SYNE2: variants seen among roughly 807,000 people sequenced by gnomAD.
SYNE2 encodes the protein nesprin-2.
Under a neutral mutation model 856.3 loss-of-function variants are expected in SYNE2, and 431 were observed. The observed-to-expected ratio is 0.50, with a 90% CI of 0.47 to 0.55. SYNE2 has a LOEUF of 0.55. Among genes scored for constraint, SYNE2 ranks in the 20% least tolerant of loss-of-function variants. The pLI, the probability that SYNE2 is intolerant of heterozygous loss-of-function variation, is 0.00. For missense variants in SYNE2, 8,129 were observed against 8,023.2 expected (o/e 1.01, Z -0.50); for synonymous variants, 2,923 against 2,872.3 (o/e 1.02, Z -0.56).
At chr14:64,028,965 G>T (rs1467672972) in intron 43 of SYNE2, among the ~76,000 whole-genome samples, 2 of 152,008 alleles carry the variant, frequency 1.3e-5, no homozygotes, top group Non-Finnish European at 2.9e-5. Context: ...GTGAAACCAT[G>T]TCTCTACTAA....
At position 64,102,003 on chromosome 14, in the gene SYNE2, A is replaced by G. The variant is rs1406355871; in HGVS notation, c.12453A>G (p.Glu4151=). The part of the protein sequence containing the change: ...SSLWKHDKDM[E]EDRASSSSGT... ...TTTGGAAGCATGACAAGGACATGGA[A>G]GAAGACAGAGCTTCCTCATCCTCTG... is the stretch of plus-strand genomic sequence containing the variant. Residue 4151 remains glutamate (E), a synonymous_variant, in exon 64 of 116, where the codon GAA becomes GAG. Transcript: ENST00000555002. 2 of 1,614,082 alleles carry G rather than the reference A, an allele frequency of 1.2e-6. No individual in the cohort carries two copies. Among genetic ancestry groups the G allele is most frequent in the Non-Finnish European group, 1.7e-6 (2 of 1,179,926 alleles).
chr14:63,981,422 C>T (rs951979044), intron 16 of SYNE2, among the ~76,000 whole-genome samples: 128 of 152,216 alleles, frequency 8.4e-4, no homozygotes, highest in African/African-American at 3.0e-3. Flanking sequence ...ATAGAGCTTT[C>T]TTAAGGTATA....
At chr14:64,084,909 T>C in intron 57 of SYNE2, 2 of 701,126 alleles carry the variant, frequency 2.9e-6, no homozygotes, top group Non-Finnish European at 5.2e-6. Flanking sequence ...TGGGATCTGC[T>C]TCCAAGCTCA....
chr14:64,192,708 C>G (rs2098523836), intron 99 of SYNE2, among the ~76,000 whole-genome samples: 1 of 152,122 alleles, frequency 6.6e-6, no homozygotes, highest in South Asian at 2.1e-4. Flanking sequence ...AAACTGAGGA[C>G]TGAAGCTAAG....
At chr14:64,086,302 A>G (rs2097560778) in intron 57 of SYNE2, among the ~76,000 whole-genome samples, 2 of 152,250 alleles carry the variant, frequency 1.3e-5, no homozygotes, top group African/African-American at 2.4e-5. Flanking sequence ...TTGGAAATCA[A>G]TTGACCTTAT....
At chr14:63,810,051 G>C (rs1487699931) in intron 1 of SYNE2, among the ~76,000 whole-genome samples, 1 of 152,042 alleles carries the variant, frequency 6.6e-6, no homozygotes, top group Non-Finnish European at 1.5e-5. Flanking sequence ...GCCAGACACT[G>C]TCTCTACAAA....
chr14:63,855,193 G>A (rs1891406908), intron 1 of SYNE2, among the ~76,000 whole-genome samples: 1 of 152,064 alleles, frequency 6.6e-6, no homozygotes, highest in African/African-American at 2.4e-5. Flanking sequence ...GGGTGTTGGG[G>A]CGATAGTGGT....
chr14:63,789,009 C>T (rs1887639695), intron 1 of SYNE2, among the ~76,000 whole-genome samples: 3 of 152,174 alleles, frequency 2.0e-5, no homozygotes, highest in Admixed American at 1.3e-4. Flanking sequence ...TGTATATATA[C>T]ACAATGGAAT....
Position 63,978,017 on chromosome 14 carries a change from G to A in SYNE2, c.1406G>A (p.Arg469Gln). 3 of 1,582,356 alleles carry A rather than the reference G, an allele frequency of 1.9e-6. No homozygotes were observed. Among genetic ancestry groups the A allele is most frequent in the Non-Finnish European group, 2.6e-6 (3 of 1,151,228 alleles). The change falls in exon 13 of 116, where the codon CGA (arginine) becomes CAA (glutamine). Residue 469 changes from arginine to glutamine, a missense_variant and splice_region_variant. Arg to Gln is a conservative substitution (Grantham distance 43, BLOSUM62 1). Around this residue, in one of 3 missense-constraint regions of SYNE2, gnomAD observed 2,422 missense variants for 2,357.4 expected, o/e 1.03. Transcript: ENST00000555002. The stretch of plus-strand genomic sequence containing the variant: ...AACAAATTGGAGGAAATGAAAAGAC[G>A]GTGTGTAACACTACCATTTCACAGC... The part of the protein sequence containing the change: ...PPNKLEEMKR[R>Q]INNILEKKFI...
At chr14:63,994,081 C>A in intron 22 of SYNE2, 112 bp downstream of exon 22, 2 of 1,098,434 alleles carry the variant, frequency 1.8e-6, no homozygotes, top group Non-Finnish European at 1.4e-6. Context: ...CACCAGTGGG[C>A]TGGTCCCTGC....
chr14:63,819,847 C>A (rs1889148237), intron 1 of SYNE2, among the ~76,000 whole-genome samples: 2 of 152,094 alleles, frequency 1.3e-5, no homozygotes, highest in South Asian at 4.1e-4. Context: ...AATTTTATTT[C>A]TTTATGCTAG....
At position 63,967,689 on chromosome 14, in the gene SYNE2, A is replaced by T; in HGVS notation, c.991-20A>T. 6.2e-7 allele frequency: 1 copy of T among 1,612,442 alleles called. No individual in the cohort carries two copies. Among genetic ancestry groups the T allele is most frequent in the Non-Finnish European group, 8.5e-7 (1 of 1,178,814 alleles). On this transcript the variant is annotated intron_variant, in intron 10 of 115. Transcript: ENST00000555002. ...TGGAATTAAACATTTTCAATCTTTAAAATACTCTTCTAATTGCAGAGCCTG... is the reference window on the plus strand; with the variant it reads ...TGGAATTAAACATTTTCAATCTTTATAATACTCTTCTAATTGCAGAGCCTG...
In SYNE2 at chr14:64,170,418, C is replaced by T. The variant is rs376008959; in HGVS notation, c.17191C>T (p.Arg5731Cys). The change falls in exon 94 of 116, where the codon CGC becomes TGC. Residue 5731 changes from arginine to cysteine, a missense_variant. This residue lies in a region of SYNE2 where 5,410 missense variants were observed against 5,284.8 expected (regional missense o/e 1.02). Transcript: ENST00000555002. ...GCTATCTGCAGTGAAGGGCCAGGAG[C>T]GCTTCAGCCTCTACCAAACCAGAAG... ...HLLSAVKGQE[R>C]FSLYQTRSLI... 7.6e-5 allele frequency: 123 copies of T among 1,613,886 alleles called. No individual in the cohort carries two copies. The highest frequency in any genetic ancestry group is 9.7e-5 in the Non-Finnish European group (115 of 1,179,996).
intron 57 of SYNE2, among the ~76,000 whole-genome samples, chr14:64,083,692 C>T (rs889607133): frequency 4.6e-5 from 7 of 152,104 alleles, no homozygotes; most frequent in Non-Finnish European, 7.4e-5. Flanking sequence ...TTTTAGGATG[C>T]CCTTTTCCAT....
At chr14:64,166,332 G>T (rs2058903845) in intron 90 of SYNE2, among the ~76,000 whole-genome samples, 1 of 152,128 alleles carries the variant, frequency 6.6e-6, no homozygotes, top group Non-Finnish European at 1.5e-5. Flanking sequence ...TTTATGATCT[G>T]CCCTTTTACA....
chr14:63,816,321 A>G (rs1457561245), intron 1 of SYNE2, among the ~76,000 whole-genome samples: 2 of 152,182 alleles, frequency 1.3e-5, no homozygotes, highest in Non-Finnish European at 2.9e-5. Context: ...GGACAGAGTC[A>G]TTTAAGTGGA....
intron 49 of SYNE2, among the ~76,000 whole-genome samples, chr14:64,059,746 G>A (rs894198227): frequency 3.9e-5 from 6 of 152,254 alleles, no homozygotes; most frequent in Non-Finnish European, 8.8e-5. Flanking sequence ...CCAGGCTTGT[G>A]TCCTTCCCTT....
At chr14:63,974,892 G>GTGTGTATATATA (rs1375697679) in intron 11 of SYNE2, among the ~76,000 whole-genome samples, 5 of 67,324 alleles carry the variant, frequency 7.4e-5, no homozygotes, top group African/African-American at 1.8e-4. Flanking sequence ...GTGTGTGTGT[G>GTGTGTATATATA]TATATATATA....
chr14:63,956,512 G>T, intron 8 of SYNE2: 1 of 445,694 alleles, frequency 2.2e-6, no homozygotes, highest in Non-Finnish European at 4.5e-6. Flanking sequence ...CACTGACCAG[G>T]TGACTGTGGA....
Sources: allele counts gnomAD v4.1 joint callset (sites outside exome capture counted in the v4.1 genomes callset), GRCh38; gene constraint gnomAD v4.1.1; regional missense constraint gnomAD v4.1.1; transcripts MANE v1.5; gene names NCBI Gene and HGNC (gene_info 2026-07-23, HGNC 2026-07-21).